Variants in EP400 observed in about 807,000 individuals in gnomAD.
The protein encoded by EP400 is E1A-binding protein p400.
A neutral mutation model predicts 354.1 loss-of-function variants in EP400; 105 were observed. The ratio of observed to expected loss-of-function variants is 0.30; its 90% CI spans 0.25 to 0.35. The LOEUF is 0.35. Ranked by LOEUF, EP400 falls within the 10% of genes least tolerant of loss-of-function variation. The pLI, the probability that EP400 is intolerant of heterozygous loss-of-function variation, is 1.00. For synonymous variants in EP400, 1,646 were observed against 1,716.9 expected, an observed-to-expected ratio of 0.96 and a Z score of 1.02; for missense variants, 3,280 against 4,121.0, an observed-to-expected ratio of 0.80 and a Z score of 5.59.
At chr12:132,019,662 G>T (rs117967129) in intron 21 of EP400, among the ~76,000 whole-genome samples, 1 of 152,138 alleles carries the variant, frequency 6.6e-6, no homozygotes, top group Admixed American at 6.5e-5. Flanking sequence ...TCACTTGAAC[G>T]GCTGCTTGAT....
intron 5 of EP400, among the ~76,000 whole-genome samples, chr12:131,983,976 ACCACAAC>A (rs1238663329): frequency 6.6e-6 from 1 of 151,408 alleles, no homozygotes; most frequent in Non-Finnish European, 1.5e-5. Flanking sequence ...ATCTCGGCTC[ACCACAAC>A]CTCTGCCTCC....
intron 1 of EP400, among the ~76,000 whole-genome samples, chr12:131,951,159 G>C (rs1435505986): frequency 7.0e-6 from 1 of 143,146 alleles, no homozygotes; most frequent in African/African-American, 2.6e-5. Context: ...CTCGTGATCC[G>C]CCCCCTTGGC....
intron 39 of EP400, among the ~76,000 whole-genome samples, chr12:132,047,998 G>A (rs1895165322): frequency 6.6e-6 from 1 of 152,194 alleles, no homozygotes; most frequent in Non-Finnish European, 1.5e-5. Flanking sequence ...AGAGAAATAC[G>A]GCTCTGTTCC....
intron 15 of EP400, among the ~76,000 whole-genome samples, chr12:132,008,462 T>C (rs1893658094): frequency 6.6e-6 from 1 of 152,248 alleles, no homozygotes; most frequent in South Asian, 2.1e-4. Context: ...TGTAGTGCTA[T>C]AGCATACATT....
intron 2 of EP400, among the ~76,000 whole-genome samples, chr12:131,970,803 G>GGT (rs1418599169): frequency 6.6e-6 from 1 of 152,166 alleles, no homozygotes; most frequent in Non-Finnish European, 1.5e-5. Context: ...AGGATAGTGA[G>GGT]GTGATTACCG....
intron 5 of EP400, among the ~76,000 whole-genome samples, chr12:131,982,709 G>A (rs1267861357): frequency 1.3e-5 from 2 of 152,098 alleles, no homozygotes. Flanking sequence ...GGTGACTCAC[G>A]CCTGTAATCC....
At chr12:132,036,299 C>T (rs533625840) in intron 30 of EP400, among the ~76,000 whole-genome samples, 5 of 148,772 alleles carry the variant, frequency 3.4e-5, no homozygotes, top group African/African-American at 7.5e-5. Flanking sequence ...CACGGAATGT[C>T]GTGGAAGCAC....
chr12:132,025,765 C>T lies in EP400; in HGVS notation c.4975C>T (p.Pro1659Ser). 2 of 1,611,854 alleles carry T rather than the reference C, an allele frequency of 1.2e-6. No homozygotes were observed. The highest frequency in any genetic ancestry group is 1.7e-6 in the Non-Finnish European group (2 of 1,179,400). Reference sequence around the variant, plus strand: ...GCACGGCGCCCTGGGAAGCAAGCCCCCGGCCGGCGGTCCCAGCCCTGCACC... The same window carrying T: ...GCACGGCGCCCTGGGAAGCAAGCCCTCGGCCGGCGGTCCCAGCCCTGCACC... Reference protein sequence around the residue: ...AVHGALGSKPPAGGPSPAPLT... With the variant: ...AVHGALGSKPSAGGPSPAPLT... The change falls in exon 25 of 53, where the codon CCG becomes TCG. Residue 1659 changes from proline to serine, a missense_variant. Coordinates refer to ENST00000389561, the MANE Select transcript of EP400 (RefSeq NM_015409.5). This position sits in a 1 kb window ranked among gnomAD's most constrained non-coding sequence, Gnocchi z 4.1.
At position 132,062,503 on chromosome 12, in the gene EP400, T is replaced by C. The variant is rs762164343; in HGVS notation, c.8136T>C (p.Pro2712=). Reference sequence around the variant, plus strand: ...AGCTCCCTGGAAAAACCATCACACCTGCACATTTCCAGCTTCTCAGGCAGC... The same window carrying C: ...AGCTCCCTGGAAAAACCATCACACCCGCACATTTCCAGCTTCTCAGGCAGC... The part of the protein sequence containing the change: ...GVQLPGKTIT[P]AHFQLLRQQQ... Residue 2712 remains proline (P), a synonymous_variant, in exon 47 of 53, where the codon CCT becomes CCC. Coordinates refer to ENST00000389561, the MANE Select transcript of EP400 (RefSeq NM_015409.5). 15 of 1,612,118 alleles carry C rather than the reference T, an allele frequency of 9.3e-6. No individual in the cohort carries two copies. The highest frequency in any genetic ancestry group is 1.3e-5 in the African/African-American group (1 of 74,658).
rs1891401675 is a variant in EP400, at chr12:131,949,994, C to G, written c.-78C>G. 1.3e-5 allele frequency: 2 copies of G among 151,850 alleles called. No individual in the cohort carries two copies. The highest frequency in any genetic ancestry group is 4.8e-5 in the African/African-American group (2 of 41,426). 9.4% of individuals were successfully genotyped at this position (151,850 alleles called of 1,614,324 possible). The stretch of plus-strand genomic sequence containing the variant: ...GCGGCTGCGGCGCGGCTTCCATCCT[C>G]CCGCCCTCCTGACGCGGCCGGAGCG... On this transcript the variant is annotated 5_prime_UTR_variant, in exon 1 of 53. Coordinates refer to ENST00000389561, the MANE Select transcript of EP400 (RefSeq NM_015409.5).
At chr12:132,024,572 A>C (rs1327904081) in intron 24 of EP400, among the ~76,000 whole-genome samples, 1 of 152,174 alleles carries the variant, frequency 6.6e-6, no homozygotes, top group Non-Finnish European at 1.5e-5. Context: ...CTGCTCTTTA[A>C]AAAAAGTGAG....
At chr12:132,002,671 A>G (rs941817216) in intron 12 of EP400, among the ~76,000 whole-genome samples, 2 of 152,226 alleles carry the variant, frequency 1.3e-5, no homozygotes, top group African/African-American at 4.8e-5. Flanking sequence ...AATATCCATG[A>G]GGGAGCAGGA....
intron 39 of EP400, among the ~76,000 whole-genome samples, chr12:132,046,735 C>A (rs148967046): frequency 6.6e-6 from 1 of 152,222 alleles, no homozygotes; most frequent in Admixed American, 6.5e-5. Context: ...TTTCTTCAGG[C>A]AGCTCCTTCT....
At chr12:132,005,006 C>A in intron 12 of EP400, 71 bp from the exon 13 acceptor site, 1 of 1,232,936 alleles carries the variant, frequency 8.1e-7, no homozygotes, top group Non-Finnish European at 1.2e-6. Context: ...CTCCTGGCTG[C>A]TGCTCCTTCC....
chr12:131,990,170 G>A lies in EP400; in HGVS notation c.2550+66G>A, dbSNP rs1431246036. The stretch of plus-strand genomic sequence containing the variant: ...GTCGGAGCTGGTGAGGCCACTTCCC[G>A]AGACCAGAGCTCGGGCACCTTGCTT... On this transcript the variant is annotated intron_variant, in intron 8 of 52. Coordinates refer to ENST00000389561, the MANE Select transcript of EP400 (RefSeq NM_015409.5). This position sits in a 1 kb window ranked among gnomAD's most constrained non-coding sequence, Gnocchi z 4.2. 9.7e-6 allele frequency: 15 copies of A among 1,540,724 alleles called. No homozygotes were observed. Among genetic ancestry groups the A allele is most frequent in the South Asian group, 2.5e-5 (2 of 80,358 alleles).
intron 2 of EP400, among the ~76,000 whole-genome samples, chr12:131,965,812 T>G (rs1348590191): frequency 2.6e-5 from 4 of 152,254 alleles, no homozygotes; most frequent in Non-Finnish European, 2.9e-5. Context: ...TTTTTATTGC[T>G]GAGTGCTATT....
intron 30 of EP400, among the ~76,000 whole-genome samples, chr12:132,036,335 T>C (rs145725879): frequency 8.6e-5 from 13 of 150,390 alleles, no homozygotes; most frequent in South Asian, 4.2e-4. Context: ...CGGAACATCG[T>C]GGAAGGGCAC....
rs567726480 is a variant in EP400, at chr12:131,960,995, C to A, written c.376C>A (p.Pro126Thr). The part of the protein sequence containing the change: ...GSPSYIQVTS[P>T]LSQQVQTQSP... The stretch of plus-strand genomic sequence containing the variant: ...TCCATCATACATTCAGGTCACGTCC[C>A]CCTTGTCCCAGCAGGTCCAGACCCA... The change falls in exon 2 of 53, where the codon CCC becomes ACC. Residue 126 changes from proline (P) to threonine (T), a missense_variant. By Grantham distance (38) the Pro-to-Thr change is conservative. Transcript: ENST00000389561. 1.2e-6 allele frequency: 2 copies of A among 1,606,058 alleles called. No individual in the cohort carries two copies. The highest frequency in any genetic ancestry group is 1.7e-5 in the Admixed American group (1 of 58,934).
At chr12:131,962,509 A>G (rs1435344269) in intron 2 of EP400, among the ~76,000 whole-genome samples, 1 of 152,242 alleles carries the variant, frequency 6.6e-6, no homozygotes, top group Non-Finnish European at 1.5e-5. Flanking sequence ...TTCATCATTA[A>G]AATAGTTATT....
Sources: gnomAD v4.1 joint callset for allele counts (sites outside exome capture counted in the v4.1 genomes callset) on GRCh38, gnomAD v4.1.1 for gene constraint, Gnocchi (gnomAD v3.1) non-coding constraint, MANE v1.5 for transcripts, NCBI Gene and HGNC (gene_info 2026-07-23, HGNC 2026-07-21) for gene names.